SORCS1: variants seen among roughly 807,000 people sequenced by gnomAD.
SORCS1 encodes sortilin related VPS10 domain containing receptor 1, also known as VPS10 domain-containing receptor SorCS1.
Under a neutral mutation model 146.1 loss-of-function variants are expected in SORCS1, and 60 were observed. The ratio of observed to expected loss-of-function variants is 0.41; its 90% confidence interval spans 0.33 to 0.51. SORCS1 has a LOEUF of 0.51. SORCS1 is among the 20% of genes least tolerant of loss of function. The pLI, the probability that SORCS1 is intolerant of heterozygous loss-of-function variation, is 0.21. For missense variants in SORCS1, 1,352 were observed against 1,487.6 expected (o/e 0.91, Z 1.50); for synonymous variants, 637 against 584.0 (o/e 1.09, Z -1.31).
At chr10:107,002,464 C>T (rs1017814949) in intron 1 of SORCS1, among the ~76,000 whole-genome samples, 2 of 152,144 alleles carry the variant, frequency 1.3e-5, no homozygotes, top group Non-Finnish European at 2.9e-5. Context: ...CCATTAGATG[C>T]CTTGTCTCTC....
In SORCS1 at chr10:107,136,791, T is replaced by C. The variant is rs148957215; in HGVS notation, c.558+27178A>G. 2.3e-3 allele frequency among the ~76,000 whole-genome samples: 353 copies of C among 152,216 alleles called. 1 individual carries two copies. Among genetic ancestry groups the C allele is most frequent in the African/African-American group, 7.9e-3 (327 of 41,538 alleles). The stretch of plus-strand genomic sequence containing the variant: ...GGTTTCAAGCACACGCTATGTGATC[T>C]CCGGTTTCACATTCGTAGCTAATTC... On this transcript the variant is annotated intron_variant, in intron 1 of 25. Coordinates refer to ENST00000263054, the MANE Select transcript of SORCS1 (RefSeq NM_052918.5).
intron 2 of SORCS1, among the ~76,000 whole-genome samples, chr10:106,886,185 C>T: frequency 6.6e-6 from 1 of 152,042 alleles, no homozygotes; most frequent in East Asian, 1.9e-4. Context: ...GCACTTGAAC[C>T]CAGGAGGTGG....
At chr10:106,903,965 C>T (rs1951817609) in intron 2 of SORCS1, among the ~76,000 whole-genome samples, 1 of 152,172 alleles carries the variant, frequency 6.6e-6, no homozygotes, top group South Asian at 2.1e-4. Flanking sequence ...CATCCTTCTT[C>T]CCTCAATCCT....
At chr10:106,990,371 G>A (rs986506367) in intron 1 of SORCS1, among the ~76,000 whole-genome samples, 3 of 152,192 alleles carry the variant, frequency 2.0e-5, no homozygotes, top group Admixed American at 2.0e-4. Context: ...CTGGGTTCAA[G>A]TGATTCTCCT....
intron 2 of SORCS1, among the ~76,000 whole-genome samples, chr10:106,843,184 T>C (rs1055706791): frequency 6.6e-6 from 1 of 152,154 alleles, no homozygotes; most frequent in African/African-American, 2.4e-5. Context: ...ATGTTGTAAA[T>C]GAAGTATCCT....
intron 2 of SORCS1, among the ~76,000 whole-genome samples, chr10:106,883,390 T>G (rs565606555): frequency 6.6e-6 from 1 of 151,668 alleles, no homozygotes; most frequent in African/African-American, 2.4e-5. Context: ...AAGTGCAACA[T>G]CATTTAAAAA....
At chr10:106,809,290 T>C (rs1025182424) in intron 3 of SORCS1, among the ~76,000 whole-genome samples, 45 of 152,116 alleles carry the variant, frequency 3.0e-4, no homozygotes, top group Non-Finnish European at 1.2e-4. Context: ...GGAAATGAAG[T>C]TGACCTTGGG....
chr10:107,002,598 C>T (rs1957265757), intron 1 of SORCS1, among the ~76,000 whole-genome samples: 1 of 152,160 alleles, frequency 6.6e-6, no homozygotes, highest in Non-Finnish European at 1.5e-5. Context: ...CATAGCTTTC[C>T]TGAATATGCT....
At chr10:107,105,637 C>T (rs920944802) in intron 1 of SORCS1, among the ~76,000 whole-genome samples, 11 of 152,154 alleles carry the variant, frequency 7.2e-5, no homozygotes, top group African/African-American at 2.2e-4. Flanking sequence ...AGATGGAGGC[C>T]GGAAGACTCA....
At chr10:106,759,858 T>G (rs760097698) in intron 5 of SORCS1, among the ~76,000 whole-genome samples, 19 of 152,180 alleles carry the variant, frequency 1.2e-4, no homozygotes, top group Non-Finnish European at 2.1e-4. Context: ...ATCTATATTT[T>G]TAGAGCAAAA....
rs556152867 is a variant in SORCS1, at chr10:106,674,927, T to C, written c.1940+122A>G. 8 of 714,714 alleles carry C rather than the reference T, an allele frequency of 1.1e-5. No individual in the cohort carries two copies. In the East Asian group the frequency reaches 1.8e-4, roughly 16 times the overall value. 44.3% of individuals were successfully genotyped at this position (714,714 alleles called of 1,614,324 possible). A position where few individuals can be genotyped will look rare whatever the true frequency, so the allele number is the denominator to read the frequency against. ...TTTCTTCCCTATTTGCTGTACACTC[T>C]TGCAGTAAGATGCAACAACCTTGAA... On this transcript the variant is annotated intron_variant, in intron 14 of 25. Transcript: ENST00000263054.
At chr10:106,653,136 A>T (rs1275968498) in intron 17 of SORCS1, among the ~76,000 whole-genome samples, 1 of 152,182 alleles carries the variant, frequency 6.6e-6, no homozygotes, top group Non-Finnish European at 1.5e-5. Flanking sequence ...CATTAAAGAG[A>T]CTTCAGTTTT....
intron 9 of SORCS1, among the ~76,000 whole-genome samples, chr10:106,696,674 A>G (rs1853728106): frequency 1.3e-5 from 2 of 152,216 alleles, no homozygotes; most frequent in African/African-American, 4.8e-5. Context: ...AATGTTTGGC[A>G]TGTCCAGAGG....
intron 1 of SORCS1, among the ~76,000 whole-genome samples, chr10:107,080,944 G>C (rs1963282434): frequency 6.6e-6 from 1 of 152,036 alleles, no homozygotes; most frequent in South Asian, 2.1e-4. Flanking sequence ...TTTCTTAAGA[G>C]TTACTGTGTT....
At chr10:107,107,048 C>T (rs961514068) in intron 1 of SORCS1, among the ~76,000 whole-genome samples, 4 of 152,124 alleles carry the variant, frequency 2.6e-5, no homozygotes, top group African/African-American at 9.7e-5. Flanking sequence ...GTTATAGTAG[C>T]CCAAACAGAC....
intron 5 of SORCS1, among the ~76,000 whole-genome samples, chr10:106,752,201 G>C (rs1858306588): frequency 6.6e-6 from 1 of 152,012 alleles, no homozygotes; most frequent in South Asian, 2.1e-4. Context: ...TCTGGTACAT[G>C]GTATGATATA....
At chr10:106,953,525 G>GTA (rs138641344) in intron 2 of SORCS1, among the ~76,000 whole-genome samples, 63,623 of 151,064 alleles carry the variant, frequency 0.42, 16,513 homozygotes, top group Non-Finnish European at 0.58. Context: ...CTGACTATAT[G>GTA]TATATATATA....
At chr10:106,802,283 C>G (rs1402956475) in intron 3 of SORCS1, among the ~76,000 whole-genome samples, 1 of 152,186 alleles carries the variant, frequency 6.6e-6, no homozygotes, top group Non-Finnish European at 1.5e-5. Flanking sequence ...TTTGCATCCA[C>G]AAAAGGCAGA....
intron 1 of SORCS1, among the ~76,000 whole-genome samples, chr10:106,993,192 A>G (rs1403695505): frequency 1.3e-5 from 2 of 151,836 alleles, no homozygotes; most frequent in Non-Finnish European, 2.9e-5. Flanking sequence ...TCGAGTCAAC[A>G]TTCTAAGCAA....
Sources: allele counts gnomAD v4.1 joint callset (sites outside exome capture counted in the v4.1 genomes callset), GRCh38; gene constraint gnomAD v4.1.1; transcripts MANE v1.5; gene names NCBI Gene and HGNC (gene_info 2026-07-23, HGNC 2026-07-21).